The following GSK3B variants were observed in gnomAD, a reference collection of about 807,000 sequenced individuals.
The protein encoded by GSK3B is glycogen synthase kinase-3 beta.
A neutral mutation model predicts 56.4 loss-of-function variants in GSK3B; 15 were observed. The observed-to-expected ratio is 0.27, with a 90% CI of 0.18 to 0.41. The LOEUF (loss-of-function observed/expected upper bound fraction) is 0.41, where lower values mean the gene tolerates loss of function less well. Among genes scored for constraint, GSK3B ranks in the 10% least tolerant of loss-of-function variants. The pLI is 1.00. For missense variants in GSK3B, 300 were observed against 513.4 expected (o/e 0.58, Z 4.02); for synonymous variants, 181 against 188.9 (o/e 0.96, Z 0.34).
intron 2 of GSK3B, among the ~76,000 whole-genome samples, chr3:119,983,617 T>C (rs999107920): frequency 1.3e-5 from 2 of 151,354 alleles, no homozygotes; most frequent in South Asian, 2.1e-4. Flanking sequence ...AAGAAAGCCA[T>C]TACATGATGG....
chr3:119,975,315 T>C (rs1287417714), intron 2 of GSK3B, among the ~76,000 whole-genome samples: 1 of 152,022 alleles, frequency 6.6e-6, no homozygotes. Flanking sequence ...GGTGTGGTGG[T>C]ACACGCCTGT....
chr3:120,063,560 C>T (rs1407102796), intron 1 of GSK3B, among the ~76,000 whole-genome samples: 1 of 151,424 alleles, frequency 6.6e-6, no homozygotes, highest in East Asian at 1.9e-4. Context: ...AACCCTGTCT[C>T]TACTAAAAAT....
At chr3:120,082,676 G>A (rs1375009796) in intron 1 of GSK3B, among the ~76,000 whole-genome samples, 3 of 151,916 alleles carry the variant, frequency 2.0e-5, no homozygotes, top group Admixed American at 2.0e-4. Context: ...TTACAGGCAT[G>A]AGCCACCGCG....
chr3:119,942,934 T>C (rs562890642), intron 3 of GSK3B, among the ~76,000 whole-genome samples: 2 of 152,310 alleles, frequency 1.3e-5, no homozygotes, highest in East Asian at 1.9e-4. Flanking sequence ...CTGGGTAACA[T>C]AGAGTATACG....
intron 2 of GSK3B, among the ~76,000 whole-genome samples, chr3:119,953,675 A>G (rs2057181526): frequency 6.6e-6 from 1 of 151,936 alleles, no homozygotes; most frequent in African/African-American, 2.4e-5. Context: ...GCTACTTCTC[A>G]CTCTTCCTGA....
chr3:120,029,273 A>G (rs1258780691), intron 1 of GSK3B: 4 of 733,142 alleles, frequency 5.5e-6, no homozygotes, highest in Non-Finnish European at 1.0e-5. Context: ...ATGTCTTTGT[A>G]TTCTGTTTAT....
Position 119,885,325 on chromosome 3 carries a change from G to A in GSK3B, c.814-8817C>T, listed in dbSNP as rs1008021805. Among the ~76,000 whole-genome samples the A allele has an allele frequency of 2.0e-5, 3 of 151,124 alleles. No homozygotes were observed. In the East Asian group the frequency reaches 5.8e-4, roughly 29 times the overall value. On this transcript the variant is annotated intron_variant, in intron 7 of 10. Transcript: ENST00000264235. ...AATACCTCTAACTGAGAAGGTGAAA[G>A]ATCTCTACAGGGAGAACTACAAAAC...
At chr3:119,854,247 C>G (rs1270811824) in intron 9 of GSK3B, among the ~76,000 whole-genome samples, 2 of 152,162 alleles carry the variant, frequency 1.3e-5, no homozygotes, top group African/African-American at 4.8e-5. Context: ...GATGAACCAG[C>G]TTTGCATCCC....
chr3:119,929,870 C>T (rs138882724), intron 3 of GSK3B, among the ~76,000 whole-genome samples: 12 of 149,956 alleles, frequency 8.0e-5, no homozygotes, highest in African/African-American at 2.9e-4. Context: ...CATTGCACCC[C>T]AGTCTGGGCA....
chr3:119,884,691 G>C (rs1218058431), intron 7 of GSK3B, among the ~76,000 whole-genome samples: 3 of 151,408 alleles, frequency 2.0e-5, no homozygotes, highest in Admixed American at 6.6e-5. Context: ...TTAAACTACA[G>C]TGATTATACC....
chr3:119,867,411 G>A (rs747459063), intron 8 of GSK3B, among the ~76,000 whole-genome samples: 6 of 151,998 alleles, frequency 3.9e-5, no homozygotes, highest in African/African-American at 9.7e-5. Flanking sequence ...CCTTGCACCC[G>A]GTACTTAGGA....
At chr3:119,850,247 AG>A (rs1559807289) in intron 9 of GSK3B, among the ~76,000 whole-genome samples, 1 of 152,152 alleles carries the variant, frequency 6.6e-6, no homozygotes, top group Non-Finnish European at 1.5e-5. Context: ...CAAGATGTGA[AG>A]GGGGGTACTT....
rs1187405609 is a variant in GSK3B, at chr3:119,912,723, A to G, written c.696T>C (p.Thr232=). The G allele has an allele frequency of 6.6e-7, 1 of 1,526,322 alleles. No homozygotes were observed. The highest frequency in any genetic ancestry group is 9.1e-7 in the Non-Finnish European group (1 of 1,102,072). The allele number at this position is 1,526,322 out of a possible 1,614,324, so 94.5% of individuals were successfully genotyped here. Residue 232 remains threonine (T), a synonymous_variant, in exon 6 of 11, where the codon ACT becomes ACC. Transcript: ENST00000264235. Reference sequence around the variant, plus strand: ...ACTTACCTATACTAGAGGTATAATCAGTGGCTCCAAAGATCAACTCTGGTG... The same window carrying G: ...ACTTACCTATACTAGAGGTATAATCGGTGGCTCCAAAGATCAACTCTGGTG... The part of the protein sequence containing the change: ...YRAPELIFGA[T]DYTSSIDVWS...
At chr3:120,068,221 T>C (rs1262793749) in intron 1 of GSK3B, among the ~76,000 whole-genome samples, 5 of 151,416 alleles carry the variant, frequency 3.3e-5, no homozygotes, top group African/African-American at 1.2e-4. Context: ...TGAAACTTCA[T>C]CTCTACTAAA....
chr3:120,051,542 G>A (rs930781643), intron 1 of GSK3B, among the ~76,000 whole-genome samples: 1 of 152,158 alleles, frequency 6.6e-6, no homozygotes, highest in African/African-American at 2.4e-5. Flanking sequence ...TGAGGCGGGT[G>A]TATCACCTGA....
At chr3:119,982,920 T>G (rs190572440) in intron 2 of GSK3B, among the ~76,000 whole-genome samples, 7 of 151,874 alleles carry the variant, frequency 4.6e-5, no homozygotes, top group Admixed American at 4.6e-4. Context: ...TTCACCAAGG[T>G]TGAAATGAAG....
chr3:119,897,459 T>C (rs544734064), intron 7 of GSK3B, among the ~76,000 whole-genome samples: 1 of 152,084 alleles, frequency 6.6e-6, no homozygotes, highest in African/African-American at 2.4e-5. Flanking sequence ...GTGGTTATTA[T>C]TAACTGTAGT....
intron 1 of GSK3B, among the ~76,000 whole-genome samples, chr3:120,071,459 C>T (rs1380642274): frequency 2.0e-5 from 3 of 152,216 alleles, no homozygotes; most frequent in Admixed American, 2.0e-4. Flanking sequence ...TTTACAGCAG[C>T]TCCTCATTGC....
chr3:119,885,049 A>G (rs937739356), intron 7 of GSK3B, among the ~76,000 whole-genome samples: 2 of 151,958 alleles, frequency 1.3e-5, no homozygotes, highest in Non-Finnish European at 2.9e-5. Flanking sequence ...TAGTTAAACT[A>G]TTTTCTTTGC....
Sources: gnomAD v4.1 joint callset for allele counts (sites outside exome capture counted in the v4.1 genomes callset) on GRCh38, gnomAD v4.1.1 for gene constraint, MANE v1.5 for transcripts, NCBI Gene and HGNC (gene_info 2026-07-23, HGNC 2026-07-21) for gene names.